Variants in SLC28A3 observed in about 807,000 individuals in gnomAD.
SLC28A3 encodes solute carrier family 28 member 3, also known as concentrative Na(+)-nucleoside cotransporter 3.
Under a neutral mutation model 84.2 loss-of-function variants are expected in SLC28A3, and 68 were observed. The ratio of observed to expected loss-of-function variants is 0.81; its 90% CI spans 0.66 to 0.99. The LOEUF (loss-of-function observed/expected upper bound fraction) is 0.99, where lower values mean the gene tolerates loss of function less well. SLC28A3 is among the 50% of genes least tolerant of loss of function. SLC28A3 has a pLI of 0.00. For synonymous variants in SLC28A3, 267 were observed against 303.6 expected, an observed-to-expected ratio of 0.88 and a Z score of 1.25; for missense variants, 712 against 841.5, an observed-to-expected ratio of 0.85 and a Z score of 1.90.
intron 1 of SLC28A3, among the ~76,000 whole-genome samples, chr9:84,320,099 G>A (rs1429333731): frequency 7.4e-6 from 1 of 135,526 alleles, no homozygotes; most frequent in African/African-American, 3.0e-5. Flanking sequence ...GCCTAGGCTG[G>A]AGTGCAGTGG....
the SLC28A3 span, among the ~76,000 whole-genome samples, chr9:84,359,379 T>C: frequency 2.6e-5 from 4 of 152,154 alleles, no homozygotes; most frequent in Non-Finnish European, 5.9e-5. Flanking sequence ...AGATGTTCAT[T>C]GTAGTATTAA....
chr9:84,353,746 C>T, the SLC28A3 span, among the ~76,000 whole-genome samples: 1 of 152,094 alleles, frequency 6.6e-6, no homozygotes, highest in Non-Finnish European at 1.5e-5. Context: ...GAACTATGTC[C>T]TACACATGTA....
the SLC28A3 span, among the ~76,000 whole-genome samples, chr9:84,361,705 C>T: frequency 1.3e-5 from 2 of 151,716 alleles, no homozygotes; most frequent in Non-Finnish European, 2.9e-5. Context: ...AGGGTAGATT[C>T]CCCCCAAAAG....
chr9:84,333,891 C>T (rs1257687855), intron 1 of SLC28A3, among the ~76,000 whole-genome samples: 2 of 152,188 alleles, frequency 1.3e-5, no homozygotes, highest in Non-Finnish European at 2.9e-5. Context: ...AAACCCCAAA[C>T]TTAATAACGC....
intron 12 of SLC28A3, among the ~76,000 whole-genome samples, chr9:84,286,331 G>A (rs1384344430): frequency 6.6e-6 from 1 of 151,826 alleles, no homozygotes; most frequent in African/African-American, 2.4e-5. Flanking sequence ...CTTGTTCTGT[G>A]TCTCAGGCTG....
rs112553750 is a variant in SLC28A3 at position 84,301,876 on chromosome 9, C to T, written c.524+324G>A. On this transcript the variant is annotated intron_variant, in intron 5 of 17. Coordinates refer to ENST00000376238, the MANE Select transcript of SLC28A3 (RefSeq NM_001199633.2). The stretch of plus-strand genomic sequence containing the variant: ...CTATATTTCTAACTACTTCCTAATA[C>T]GTAGGCATGGAGGTGTCTCTTCCTA... Among the ~76,000 whole-genome samples, 645 of 152,280 alleles carry T rather than the reference C, an allele frequency of 4.2e-3. 3 individuals carry two copies. The highest frequency in any genetic ancestry group is 0.014 in the African/African-American group (600 of 41,556).
At chr9:84,301,441 TATAAA>T (rs1411525434) in intron 5 of SLC28A3, among the ~76,000 whole-genome samples, 1 of 151,890 alleles carries the variant, frequency 6.6e-6, no homozygotes, top group East Asian at 1.9e-4. Context: ...TTGGCAGTTT[TATAAA>T]ATATAGGGTA....
upstream of SLC28A3, among the ~76,000 whole-genome samples, chr9:84,344,249 G>A (rs1827215452): frequency 6.7e-6 from 1 of 148,300 alleles, no homozygotes; most frequent in Non-Finnish European, 1.5e-5. Context: ...GAGTGCAGTG[G>A]CAGATCTCAG....
At chr9:84,294,356 C>G in intron 8 of SLC28A3, 81 bp from the exon 9 acceptor site, 1 of 1,307,290 alleles carries the variant, frequency 7.6e-7, no homozygotes, top group Non-Finnish European at 1.1e-6. Flanking sequence ...CTCTCTGTCT[C>G]CTTTTCTCCC....
chr9:84,360,319 A>G, the SLC28A3 span, among the ~76,000 whole-genome samples: 1 of 152,120 alleles, frequency 6.6e-6, no homozygotes, highest in African/African-American at 2.4e-5. Context: ...GGTTGTGGCA[A>G]CATGGAAAGG....
At chr9:84,355,587 T>C in the SLC28A3 span, among the ~76,000 whole-genome samples, 1 of 152,156 alleles carries the variant, frequency 6.6e-6, no homozygotes, top group South Asian at 2.1e-4. Flanking sequence ...GATTTCTTTT[T>C]TTTTGTAAGA....
chr9:84,291,154 G>C (rs1364456972), intron 10 of SLC28A3, among the ~76,000 whole-genome samples: 4 of 152,086 alleles, frequency 2.6e-5, no homozygotes, highest in Non-Finnish European at 5.9e-5. Flanking sequence ...TCGATTTACC[G>C]ACTAAATAGG....
chr9:84,287,961 G>A, intron 12 of SLC28A3, 87 bp downstream of exon 12: 4 of 1,543,518 alleles, frequency 2.6e-6, no homozygotes, highest in Non-Finnish European at 3.5e-6. Flanking sequence ...GTGCTTTCCG[G>A]TTATCAAATT....
the SLC28A3 span, among the ~76,000 whole-genome samples, chr9:84,355,340 G>C: frequency 6.6e-6 from 1 of 151,794 alleles, no homozygotes; most frequent in Non-Finnish European, 1.5e-5. Flanking sequence ...TGGGAGGCTG[G>C]GGTGGGAGGT....
intron 1 of SLC28A3, among the ~76,000 whole-genome samples, chr9:84,338,010 A>G (rs1827041599): frequency 6.6e-6 from 1 of 152,222 alleles, no homozygotes. Context: ...AACAGTCCAG[A>G]TGAGAGCCTG....
chr9:84,338,937 G>A (rs1827068257), intron 1 of SLC28A3, among the ~76,000 whole-genome samples: 1 of 152,076 alleles, frequency 6.6e-6, no homozygotes, highest in African/African-American at 2.4e-5. Flanking sequence ...CCTAAAAGCA[G>A]CACATTTATT....
At chr9:84,323,480 A>G (rs541686070) in intron 1 of SLC28A3, among the ~76,000 whole-genome samples, 1 of 148,368 alleles carries the variant, frequency 6.7e-6, no homozygotes, top group African/African-American at 2.5e-5. Flanking sequence ...GCTGGAGTGC[A>G]GTGGCATGAT....
the SLC28A3 span, among the ~76,000 whole-genome samples, chr9:84,360,107 T>A: frequency 1.3e-5 from 2 of 152,044 alleles, no homozygotes; most frequent in African/African-American, 4.8e-5. Flanking sequence ...CTGTAAGGCT[T>A]TGTGGCCAGA....
chr9:84,339,880 G>C (rs531589602), intron 1 of SLC28A3, among the ~76,000 whole-genome samples: 44 of 152,276 alleles, frequency 2.9e-4, no homozygotes, highest in African/African-American at 1.0e-3. Context: ...CCATCTAGCA[G>C]ACCGTAAAGT....
Sources: gnomAD v4.1 joint callset for allele counts (sites outside exome capture counted in the v4.1 genomes callset) on GRCh38, gnomAD v4.1.1 for gene constraint, MANE v1.5 for transcripts, NCBI Gene and HGNC (gene_info 2026-07-23, HGNC 2026-07-21) for gene names.